CERS3: variants seen among roughly 807,000 people sequenced by gnomAD.
The protein encoded by CERS3 is LAG1 homolog, ceramide synthase 3.
A neutral mutation model predicts 50.3 loss-of-function variants in CERS3; 33 were observed. The observed-to-expected ratio is 0.66, with a 90% CI of 0.50 to 0.88. The LOEUF (loss-of-function observed/expected upper bound fraction) is 0.88, where lower values mean the gene tolerates loss of function less well. Among genes scored for constraint, CERS3 ranks in the 40% least tolerant of loss-of-function variants. The pLI is 0.00. For synonymous variants in CERS3, 176 were observed against 155.2 expected, an observed-to-expected ratio of 1.13 and a Z score of -0.99; for missense variants, 470 against 460.3, an observed-to-expected ratio of 1.02 and a Z score of -0.19.
At chr15:100,534,410 C>T (rs1471890852) in intron 1 of CERS3, among the ~76,000 whole-genome samples, 1 of 151,898 alleles carries the variant, frequency 6.6e-6, no homozygotes, top group Non-Finnish European at 1.5e-5. Flanking sequence ...GCACTTAGAA[C>T]AATACCTGGC....
upstream of CERS3, among the ~76,000 whole-genome samples, chr15:100,532,834 C>T (rs138060363): frequency 4.7e-4 from 72 of 152,300 alleles, 2 homozygotes; most frequent in East Asian, 9.7e-3. Flanking sequence ...AGTGGTTCCC[C>T]ACTACACTGG....
At chr15:100,480,692 CTAT>C (rs2035270872) in intron 5 of CERS3, among the ~76,000 whole-genome samples, 4 of 152,046 alleles carry the variant, frequency 2.6e-5, no homozygotes. Context: ...TGAATATTTT[CTAT>C]TATTAAGTAA....
intron 11 of CERS3, among the ~76,000 whole-genome samples, chr15:100,410,493 T>C (rs952737774): frequency 1.3e-5 from 2 of 152,036 alleles, no homozygotes; most frequent in Non-Finnish European, 2.9e-5. Context: ...CTGATTAAAG[T>C]TGGATCAAAG....
chr15:100,420,416 G>T (rs1021171681), intron 11 of CERS3, among the ~76,000 whole-genome samples: 4 of 152,144 alleles, frequency 2.6e-5, no homozygotes, highest in Non-Finnish European at 5.9e-5. Flanking sequence ...CCAATAACAG[G>T]ATCTGAAATT....
rs1328357422 is a variant in CERS3 at position 100,404,858 on chromosome 15, C to T, written c.1000-1993G>A. 5.3e-5 allele frequency among the ~76,000 whole-genome samples: 8 copies of T among 152,236 alleles called. No homozygotes were observed. In the South Asian group the frequency reaches 1.0e-3, roughly 20 times the overall value. Reference sequence around the variant, plus strand: ...ATTGAATTTTTACAAAGGTTCAAAGCAATTCAGTAGAGAAAGAACAGTCTT... The same window carrying T: ...ATTGAATTTTTACAAAGGTTCAAAGTAATTCAGTAGAGAAAGAACAGTCTT... On this transcript the variant is annotated intron_variant, in intron 11 of 11. Transcript: ENST00000679737.
At chr15:100,424,011 G>A (rs928136638) in intron 11 of CERS3, among the ~76,000 whole-genome samples, 23 of 148,328 alleles carry the variant, frequency 1.6e-4, no homozygotes, top group Non-Finnish European at 1.5e-4. Context: ...GCACCATCTC[G>A]GCTCACCACA....
chr15:100,430,258 GC>G (rs1195269045), intron 11 of CERS3, among the ~76,000 whole-genome samples: 1 of 151,528 alleles, frequency 6.6e-6, no homozygotes, highest in Non-Finnish European at 1.5e-5. Flanking sequence ...CTTGCAGTGA[GC>G]CGAGATCACG....
At chr15:100,492,917 C>T (rs748430924) in intron 3 of CERS3, among the ~76,000 whole-genome samples, 15 of 152,082 alleles carry the variant, frequency 9.9e-5, no homozygotes, top group Non-Finnish European at 1.5e-4. Flanking sequence ...TAATTTATAA[C>T]ATCTTACTTC....
upstream of CERS3, among the ~76,000 whole-genome samples, chr15:100,533,141 A>G (rs78638947): frequency 4.2e-3 from 638 of 152,312 alleles, 7 homozygotes; most frequent in African/African-American, 0.014. Flanking sequence ...CTCTGCTGTC[A>G]AATTAGTCGG....
chr15:100,417,811 G>A (rs1027334225), intron 11 of CERS3, among the ~76,000 whole-genome samples: 13 of 151,816 alleles, frequency 8.6e-5, no homozygotes, highest in African/African-American at 3.2e-4. Flanking sequence ...GCACCCCCCA[G>A]CAAGGGCACA....
chr15:100,459,069 G>T (rs1206634566), intron 10 of CERS3, among the ~76,000 whole-genome samples: 2 of 152,238 alleles, frequency 1.3e-5, no homozygotes, highest in Non-Finnish European at 2.9e-5. Context: ...ATACATTAGT[G>T]TGTGTGTCTG....
At chr15:100,497,612 G>A (rs2035860537) in intron 3 of CERS3, among the ~76,000 whole-genome samples, 1 of 151,920 alleles carries the variant, frequency 6.6e-6, no homozygotes, top group Non-Finnish European at 1.5e-5. Context: ...ATACAGTAAG[G>A]AAACAAAACT....
At position 100,496,562 on chromosome 15, in the gene CERS3, T is replaced by G. The variant is rs553327734; in HGVS notation, c.173+5115A>C. ...TTAACTGAAAGCATTACAAGAGAAT[T>G]TTTTAGCTGACAGAAATCTGTATCA... On this transcript the variant is annotated intron_variant, in intron 3 of 11. Coordinates refer to ENST00000679737, the MANE Select transcript of CERS3 (RefSeq NM_001378789.1). Among the ~76,000 whole-genome samples, 19 of 152,286 alleles carry G rather than the reference T, an allele frequency of 1.2e-4. No individual in the cohort carries two copies. The East Asian group carries it at 2.1e-3, about 17-fold the overall frequency.
intron 1 of CERS3, among the ~76,000 whole-genome samples, chr15:100,536,575 A>G (rs1012251026): frequency 1.3e-5 from 2 of 152,218 alleles, no homozygotes; most frequent in Admixed American, 6.5e-5. Flanking sequence ...ATGAGCCAGC[A>G]TGACTGGCCT....
At chr15:100,497,962 C>G (rs969703184) in intron 3 of CERS3, among the ~76,000 whole-genome samples, 1 of 149,186 alleles carries the variant, frequency 6.7e-6, no homozygotes, top group Admixed American at 6.7e-5. Context: ...GGCGTGATCT[C>G]GGCTCACTGC....
At chr15:100,447,786 GC>G (rs1391095241) in intron 11 of CERS3, among the ~76,000 whole-genome samples, 1 of 152,140 alleles carries the variant, frequency 6.6e-6, no homozygotes, top group Admixed American at 6.5e-5. Flanking sequence ...ATAGTTAGTT[GC>G]CGGTAGATGA....
chr15:100,497,401 G>C (rs925684426), intron 3 of CERS3, among the ~76,000 whole-genome samples: 1 of 151,454 alleles, frequency 6.6e-6, no homozygotes, highest in African/African-American at 2.4e-5. Context: ...ATAAATAATT[G>C]AATTAGTTCA....
intron 2 of CERS3, among the ~76,000 whole-genome samples, chr15:100,506,046 C>G (rs994780756): frequency 3.3e-5 from 5 of 151,328 alleles, no homozygotes; most frequent in Admixed American, 2.0e-4. Flanking sequence ...CTTTGTGAGC[C>G]ATCGGGTCTG....
intron 3 of CERS3, among the ~76,000 whole-genome samples, chr15:100,494,731 G>A (rs761169952): frequency 6.6e-6 from 1 of 152,210 alleles, no homozygotes; most frequent in African/African-American, 2.4e-5. Flanking sequence ...TAGCTAGGCA[G>A]TAAGCAACTC....
Sources: gnomAD v4.1 joint callset for allele counts (sites outside exome capture counted in the v4.1 genomes callset) on GRCh38, gnomAD v4.1.1 for gene constraint, MANE v1.5 for transcripts, NCBI Gene and HGNC (gene_info 2026-07-23, HGNC 2026-07-21) for gene names.